The following ERC2 variants were observed in gnomAD, a reference collection of about 807,000 sequenced individuals.
The protein encoded by ERC2 is ERC protein 2.
In ERC2, 42 loss-of-function variants were observed where a neutral mutation model predicts 114.8. The observed-to-expected ratio is 0.37, with a 90% CI of 0.29 to 0.47. ERC2 has a LOEUF of 0.47. Ranked by LOEUF, ERC2 falls within the 20% of genes least tolerant of loss-of-function variation. The probability of loss-of-function intolerance (pLI) is 0.99; values close to 1 mark genes in which losing one functional copy is unlikely to be tolerated. For synonymous variants in ERC2, 454 were observed against 425.5 expected (o/e 1.07, Z -0.82); for missense variants, 939 against 1,150.7 (o/e 0.82, Z 2.66).
intron 14 of ERC2, among the ~76,000 whole-genome samples, chr3:55,839,151 A>G (rs1559742777): frequency 6.6e-6 from 1 of 151,870 alleles, no homozygotes; most frequent in Admixed American, 6.6e-5. Flanking sequence ...CACCAGACAC[A>G]ATAAAAGTTA....
intron 14 of ERC2, among the ~76,000 whole-genome samples, chr3:55,835,348 C>T (rs1201975596): frequency 6.6e-6 from 1 of 152,152 alleles, no homozygotes; most frequent in East Asian, 1.9e-4. Flanking sequence ...ATGCAAAAAT[C>T]CTCAATGAAA....
rs747430442 is a variant in ERC2, at chr3:55,685,717, G to A, written c.2848-1858C>T. The stretch of plus-strand genomic sequence containing the variant: ...CATATGATTCTTGACCCCCAGAATC[G>A]CTGCTGTAGAAAAACTCCAAGCATA... On this transcript the variant is annotated intron_variant, in intron 16 of 17. Transcript: ENST00000288221. Among the ~76,000 whole-genome samples, 255 of 152,172 alleles carry A rather than the reference G, an allele frequency of 1.7e-3. 6 individuals carry two copies. The highest frequency in any genetic ancestry group is 7.2e-4 in the Admixed American group (11 of 15,282).
chr3:56,456,567 G>A (rs1226921336), intron 1 of ERC2, among the ~76,000 whole-genome samples: 6 of 152,072 alleles, frequency 3.9e-5, no homozygotes, highest in African/African-American at 1.4e-4. Context: ...TACATACATA[G>A]CCTTTAACTT....
chr3:56,375,356 G>C (rs529338518), intron 2 of ERC2, among the ~76,000 whole-genome samples: 2 of 152,276 alleles, frequency 1.3e-5, no homozygotes, highest in East Asian at 1.9e-4. Flanking sequence ...TAAAGTCAAG[G>C]GTCCCCAGTT....
intron 1 of ERC2, among the ~76,000 whole-genome samples, chr3:56,451,106 T>C (rs970476477): frequency 2.0e-5 from 3 of 152,160 alleles, no homozygotes; most frequent in African/African-American, 7.2e-5. Flanking sequence ...AAAGCTTCAG[T>C]TATAGTATAC....
chr3:55,947,430 G>A (rs544806354), intron 13 of ERC2, among the ~76,000 whole-genome samples: 3 of 152,140 alleles, frequency 2.0e-5, no homozygotes, highest in Non-Finnish European at 4.4e-5. Flanking sequence ...GTACATTTTT[G>A]TCTTTGTGAG....
At chr3:55,954,376 T>C (rs1404848257) in intron 12 of ERC2, among the ~76,000 whole-genome samples, 1 of 152,160 alleles carries the variant, frequency 6.6e-6, no homozygotes, top group Non-Finnish European at 1.5e-5. Context: ...ATGACTACCA[T>C]ATTAAGAAAG....
chr3:56,284,730 A>T (rs2054564442), intron 3 of ERC2, among the ~76,000 whole-genome samples: 1 of 152,104 alleles, frequency 6.6e-6, no homozygotes, highest in South Asian at 2.1e-4. Flanking sequence ...TCAGATCCAT[A>T]ATTATTACCT....
chr3:56,107,328 A>G (rs752200056), intron 6 of ERC2, among the ~76,000 whole-genome samples: 1 of 151,478 alleles, frequency 6.6e-6, no homozygotes, highest in Non-Finnish European at 1.5e-5. Context: ...AATGCTGACT[A>G]ATGTAAACTG....
intron 14 of ERC2, among the ~76,000 whole-genome samples, chr3:55,868,298 G>A (rs1174294877): frequency 6.6e-6 from 1 of 152,118 alleles, no homozygotes; most frequent in African/African-American, 2.4e-5. Context: ...TGGAGTGAGT[G>A]GGCCATGATA....
At chr3:56,026,383 T>C (rs1336635199) in intron 7 of ERC2, among the ~76,000 whole-genome samples, 1 of 152,210 alleles carries the variant, frequency 6.6e-6, no homozygotes, top group South Asian at 2.1e-4. Flanking sequence ...ATCTCCATTC[T>C]TAAGCAACAT....
intron 5 of ERC2, among the ~76,000 whole-genome samples, chr3:56,141,544 G>C (rs564498061): frequency 6.6e-6 from 1 of 152,180 alleles, no homozygotes; most frequent in Non-Finnish European, 1.5e-5. Flanking sequence ...GCCTCAAAGG[G>C]AAGAATTTCA....
intron 7 of ERC2, among the ~76,000 whole-genome samples, chr3:56,023,341 T>C (rs1159654724): frequency 4.6e-5 from 7 of 152,090 alleles, no homozygotes; most frequent in Non-Finnish European, 2.9e-5. Context: ...CATGAGGCCC[T>C]CCGAGGGATG....
intron 2 of ERC2, among the ~76,000 whole-genome samples, chr3:56,303,538 T>G (rs1046156346): frequency 6.6e-6 from 1 of 151,746 alleles, no homozygotes; most frequent in East Asian, 1.9e-4. Flanking sequence ...TGATAGGCCC[T>G]CCTCTACACT....
intron 14 of ERC2, among the ~76,000 whole-genome samples, chr3:55,763,232 T>C (rs993430506): frequency 1.3e-5 from 2 of 152,340 alleles, no homozygotes; most frequent in South Asian, 2.1e-4. Flanking sequence ...GAAGAATTAA[T>C]TGTCTCCCAG....
rs1576176828 is a variant in ERC2, at chr3:55,695,182, T to G, written c.2847+4196A>C. Reference sequence around the variant, plus strand: ...CTTGGCTTTGTGAAATCAATCTTGGTAACCTAAGAAAAATCTCTAATGTGT... The same window carrying G: ...CTTGGCTTTGTGAAATCAATCTTGGGAACCTAAGAAAAATCTCTAATGTGT... On this transcript the variant is annotated intron_variant, in intron 16 of 17. Transcript: ENST00000288221. Among the ~76,000 whole-genome samples, 3 of 152,230 alleles carry G rather than the reference T, an allele frequency of 2.0e-5. No homozygotes were observed. In the South Asian group the frequency reaches 6.2e-4, roughly 32 times the overall value.
chr3:56,347,974 A>G (rs1388722008), intron 2 of ERC2, among the ~76,000 whole-genome samples: 3 of 152,186 alleles, frequency 2.0e-5, no homozygotes, highest in African/African-American at 7.2e-5. Flanking sequence ...TAGTCCAGCA[A>G]TTTCAAAAAT....
chr3:55,534,917 T>C (rs770996985), intron 17 of ERC2, among the ~76,000 whole-genome samples: 1 of 152,114 alleles, frequency 6.6e-6, no homozygotes, highest in East Asian at 1.9e-4. Context: ...CTGAGCATCA[T>C]GGTCAATGGA....
chr3:56,333,225 G>A (rs959187282), intron 2 of ERC2, among the ~76,000 whole-genome samples: 3 of 152,180 alleles, frequency 2.0e-5, no homozygotes, highest in African/African-American at 7.2e-5. Context: ...AGGGCAGGGT[G>A]GCCATGTGGA....
Sources: gnomAD v4.1 joint callset for allele counts (sites outside exome capture counted in the v4.1 genomes callset) on GRCh38, gnomAD v4.1.1 for gene constraint, MANE v1.5 for transcripts, NCBI Gene and HGNC (gene_info 2026-07-23, HGNC 2026-07-21) for gene names.